Variants in EMC2 observed in about 807,000 individuals in gnomAD.
EMC2 encodes ER membrane protein complex subunit 2.
EMC2 carries 37 observed loss-of-function variants against 51.6 expected under a neutral mutation model. That is an observed-to-expected ratio of 0.72 (90% CI 0.55 to 0.94). EMC2 has a LOEUF of 0.94. EMC2 is among the 40% of genes least tolerant of loss of function. The pLI is 0.00. For missense variants in EMC2, 359 were observed against 350.9 expected (o/e 1.02, Z -0.18); for synonymous variants, 131 against 112.4 (o/e 1.17, Z -1.04).
Position 108,456,018 on chromosome 8 carries a change from AG to A in EMC2, c.363+90del. The A allele has an allele frequency of 9.0e-6, 4 of 444,554 alleles. No homozygotes were observed. The South Asian group carries it at 1.9e-4, about 22-fold the overall frequency. 27.5% of individuals were successfully genotyped at this position (444,554 alleles called of 1,614,324 possible). On this transcript the variant is annotated intron_variant, in intron 5 of 10. Transcript: ENST00000220853. ...GGAAATAATAGATACATAAGGAACTAGGTCTTATATTTTTAATTTTTAATTA... is the reference window on the plus strand; with the variant it reads ...GGAAATAATAGATACATAAGGAACTAGTCTTATATTTTTAATTTTTAATTA...
chr8:108,463,057 A>G (rs1333747860), intron 5 of EMC2, among the ~76,000 whole-genome samples: 1 of 152,192 alleles, frequency 6.6e-6, no homozygotes. Flanking sequence ...TGAGGAAGAC[A>G]GTATTTTATA....
At chr8:108,443,946 G>A (rs911109705) in intron 1 of EMC2, among the ~76,000 whole-genome samples, 11 of 152,166 alleles carry the variant, frequency 7.2e-5, no homozygotes, top group Non-Finnish European at 1.5e-4. Context: ...CAGCGTCCCG[G>A]GGCCGCTTTT....
chr8:108,481,604 A>G (rs930168031), intron 10 of EMC2, among the ~76,000 whole-genome samples: 2 of 152,204 alleles, frequency 1.3e-5, no homozygotes, highest in African/African-American at 4.8e-5. Context: ...TTAATAACAT[A>G]GAAATAAGAA....
chr8:108,457,267 AG>A (rs972622229), intron 5 of EMC2, among the ~76,000 whole-genome samples: 2 of 151,570 alleles, frequency 1.3e-5, no homozygotes, highest in Non-Finnish European at 2.9e-5. Flanking sequence ...GAAATTCCCT[AG>A]GGTTTTTGTT....
intron 1 of EMC2, among the ~76,000 whole-genome samples, chr8:108,447,220 C>T (rs1386588714): frequency 6.6e-6 from 1 of 151,246 alleles, no homozygotes; most frequent in Non-Finnish European, 1.5e-5. Context: ...GCCCCCCCAC[C>T]CCCAACAGAT....
chr8:108,446,490 T>TCTTCGAAATA (rs147400421), intron 1 of EMC2, among the ~76,000 whole-genome samples: 1 of 152,238 alleles, frequency 6.6e-6, no homozygotes, highest in African/African-American at 2.4e-5. Context: ...AAGATGTAAA[T>TCTTCGAAATA]CTTCGAAATA....
chr8:108,445,310 T>A (rs1311438998), intron 1 of EMC2, among the ~76,000 whole-genome samples: 1 of 152,248 alleles, frequency 6.6e-6, no homozygotes, highest in Non-Finnish European at 1.5e-5. Context: ...GTCCTTCCTC[T>A]GTATGATCTG....
At position 108,443,633 on chromosome 8, in the gene EMC2, C is replaced by T. The variant is rs557057963; in HGVS notation, c.-26C>T. On this transcript the variant is annotated 5_prime_UTR_variant, in exon 1 of 11. Transcript: ENST00000220853. ...GTGACTGCGTCTCCCCGCCCTCTCA[C>T]CCCGCTGCCTCTAGGTTCTGGGAAG... 5.6e-6 allele frequency: 9 copies of T among 1,601,588 alleles called. No homozygotes were observed. Among genetic ancestry groups the T allele is most frequent in the Admixed American group, 3.4e-5 (2 of 58,470 alleles).
intron 5 of EMC2, among the ~76,000 whole-genome samples, chr8:108,467,419 G>C (rs1464121102): frequency 6.6e-6 from 1 of 151,770 alleles, no homozygotes; most frequent in Non-Finnish European, 1.5e-5. Flanking sequence ...CGCAGTCTCA[G>C]CTCACTGCAA....
At chr8:108,480,148 T>C (rs1049575868) in intron 10 of EMC2, among the ~76,000 whole-genome samples, 6 of 152,142 alleles carry the variant, frequency 3.9e-5, no homozygotes, top group East Asian at 1.9e-4. Context: ...ATTACAAATA[T>C]TTTTTTCTCT....
intron 1 of EMC2, among the ~76,000 whole-genome samples, chr8:108,445,952 A>G (rs934826826): frequency 1.3e-5 from 2 of 152,196 alleles, no homozygotes; most frequent in Admixed American, 6.5e-5. Flanking sequence ...TAGCTTGAAA[A>G]TGACCTTTTT....
intron 5 of EMC2, among the ~76,000 whole-genome samples, chr8:108,467,907 G>A (rs960583751): frequency 1.3e-5 from 2 of 152,160 alleles, no homozygotes; most frequent in African/African-American, 2.4e-5. Flanking sequence ...AAGAAAGGAA[G>A]ATAACATTTA....
At position 108,487,464 on chromosome 8, in the gene EMC2, A is replaced by G. The variant is rs1358761500; in HGVS notation, c.*866A>G. On this transcript the variant is annotated 3_prime_UTR_variant, in exon 11 of 11. Coordinates refer to ENST00000220853, the MANE Select transcript of EMC2 (RefSeq NM_014673.5). ...ATCATTACCTTAGTTAGAATTTTTT[A>G]TTTTTCTCTTTTCATAATAAACAAC... Among the ~76,000 whole-genome samples the G allele has an allele frequency of 1.3e-5, 2 of 151,874 alleles. No homozygotes were observed. The highest frequency in any genetic ancestry group is 4.8e-5 in the African/African-American group (2 of 41,386).
chr8:108,451,757 A>G (rs1563691364), intron 3 of EMC2, among the ~76,000 whole-genome samples: 1 of 152,184 alleles, frequency 6.6e-6, no homozygotes. Flanking sequence ...AAGTCAAATT[A>G]GATAACACTA....
At chr8:108,475,792 A>G in intron 7 of EMC2, 90 bp from the exon 8 acceptor site, 1 of 676,658 alleles carries the variant, frequency 1.5e-6, no homozygotes, top group Non-Finnish European at 2.6e-6. Context: ...GTTTAACATG[A>G]CTAAAGTTGT....
intron 5 of EMC2, among the ~76,000 whole-genome samples, chr8:108,464,506 G>A (rs1237947797): frequency 6.6e-6 from 1 of 152,196 alleles, no homozygotes; most frequent in African/African-American, 2.4e-5. Flanking sequence ...GTCCAAGTCT[G>A]TCATTGAAGA....
chr8:108,462,745 T>G (rs1819360475), intron 5 of EMC2, among the ~76,000 whole-genome samples: 1 of 19,330 alleles, frequency 5.2e-5, no homozygotes, highest in African/African-American at 3.9e-4. Flanking sequence ...TAATATTGTT[T>G]TTTTTTTTTG....
rs1387687525 is a variant in EMC2, at chr8:108,487,348, A to G, written c.*750A>G. On this transcript the variant is annotated 3_prime_UTR_variant, in exon 11 of 11. Transcript: ENST00000220853. ...TATTAAAGAATCATAAAGAGTAGGG[A>G]TTAAAGGGGTTGTAGTTATTTTTAA... is the stretch of plus-strand genomic sequence containing the variant. Among the ~76,000 whole-genome samples the G allele has an allele frequency of 2.0e-5, 3 of 152,074 alleles. No homozygotes were observed. Among genetic ancestry groups the G allele is most frequent in the Non-Finnish European group, 4.4e-5 (3 of 67,954 alleles).
At position 108,479,257 on chromosome 8, in the gene EMC2, G is replaced by A. The variant is rs190297906; in HGVS notation, c.807+147G>A. 21 of 395,672 alleles carry A rather than the reference G, an allele frequency of 5.3e-5. No individual in the cohort carries two copies. The East Asian group carries it at 7.0e-4, about 13-fold the overall frequency. 24.5% of individuals were successfully genotyped at this position (395,672 alleles called of 1,614,324 possible). ...AATGTGTTGTGTTTTGAATTAATTT[G>A]TAGTTTTAAGATTACCTTTTTTTCC... On this transcript the variant is annotated intron_variant, in intron 10 of 10. Transcript: ENST00000220853.
Sources: gnomAD v4.1 joint callset for allele counts (sites outside exome capture counted in the v4.1 genomes callset) on GRCh38, gnomAD v4.1.1 for gene constraint, MANE v1.5 for transcripts, NCBI Gene and HGNC (gene_info 2026-07-23, HGNC 2026-07-21) for gene names.